EP300: variants seen among roughly 807,000 people sequenced by gnomAD.
EP300 encodes the protein EP300 lysine acetyltransferase.
Under a neutral mutation model 264.0 loss-of-function variants are expected in EP300, and 31 were observed. That is an observed-to-expected ratio of 0.12 (90% CI 0.09 to 0.16). The LOEUF (loss-of-function observed/expected upper bound fraction) is 0.16. Ranked by LOEUF, EP300 falls within the 10% of genes least tolerant of loss-of-function variation. The probability of loss-of-function intolerance (pLI) is 1.00; values close to 1 mark genes in which losing one functional copy is unlikely to be tolerated. For missense variants in EP300, 2,766 were observed against 3,052.9 expected, an observed-to-expected ratio of 0.91 and a Z score of 2.21; for synonymous variants, 1,340 against 1,045.4, an observed-to-expected ratio of 1.28 and a Z score of -5.44.
intron 1 of EP300, among the ~76,000 whole-genome samples, chr22:41,111,375 CCT>C (rs2058789268): frequency 2.0e-5 from 3 of 152,302 alleles, no homozygotes; most frequent in African/African-American, 4.8e-5. Context: ...ATCTTGCTAA[CCT>C]CTCACAATTT....
At chr22:41,134,497 C>T (rs745593697) in intron 6 of EP300, among the ~76,000 whole-genome samples, 3 of 152,018 alleles carry the variant, frequency 2.0e-5, no homozygotes, top group South Asian at 4.1e-4. Context: ...TGGGCTCAAG[C>T]GGTACTCCCA....
chr22:41,177,835 A>C lies in EP300; in HGVS notation c.6124A>C (p.Lys2042Gln). 3 of 1,614,114 alleles carry C rather than the reference A, an allele frequency of 1.9e-6. No homozygotes were observed. In the South Asian group the frequency reaches 3.3e-5, roughly 18 times the overall value. The change falls in exon 31 of 31, where the codon AAA (lysine) becomes CAA (glutamine). Residue 2042 changes from lysine (K) to glutamine (Q), a missense_variant. Transcript: ENST00000263253. Reference sequence around the variant, plus strand: ...GGGCCAGGTAGGTATCAGCCCACTCAAACCAGGCACTGTGTCTCAACAAGC... The same window carrying C: ...GGGCCAGGTAGGTATCAGCCCACTCCAACCAGGCACTGTGTCTCAACAAGC... ...GLGQVGISPLKPGTVSQQALQ... is the reference protein window; with the variant it reads ...GLGQVGISPLQPGTVSQQALQ...
At chr22:41,156,218 G>T (rs746723490) in intron 17 of EP300, among the ~76,000 whole-genome samples, 6 of 151,938 alleles carry the variant, frequency 3.9e-5, no homozygotes, top group Non-Finnish European at 5.9e-5. Context: ...TCTGTATGTT[G>T]GTCAGGCTGG....
intron 1 of EP300, among the ~76,000 whole-genome samples, chr22:41,115,565 T>C (rs906145863): frequency 2.0e-5 from 3 of 152,162 alleles, no homozygotes; most frequent in African/African-American, 7.2e-5. Context: ...CCTGAGTGGC[T>C]AGGAGTATAG....
Position 41,178,215 on chromosome 22 carries a change from G to A in EP300, c.6504G>A (p.Met2168Ile), listed in dbSNP as rs566357328. 123 of 1,613,976 alleles carry A rather than the reference G, an allele frequency of 7.6e-5. No homozygotes were observed. In the South Asian group the frequency reaches 1.3e-3, roughly 17 times the overall value. The change falls in exon 31 of 31, where the codon ATG (methionine) becomes ATA (isoleucine). Residue 2168 changes from methionine (M) to isoleucine (I), a missense_variant. Transcript: ENST00000263253. Reference sequence around the variant, plus strand: ...GGATGAGCCCCCAGGCTCAGCAGATGAACATGAACCACAACACCATGCCTT... The same window carrying A: ...GGATGAGCCCCCAGGCTCAGCAGATAAACATGAACCACAACACCATGCCTT... ...MGGMSPQAQQ[M>I]NMNHNTMPSQ...
chr22:41,093,676 TC>T (rs1376651042), intron 1 of EP300, among the ~76,000 whole-genome samples: 1 of 152,228 alleles, frequency 6.6e-6, no homozygotes, highest in Non-Finnish European at 1.5e-5. Flanking sequence ...TTTTCCTTTT[TC>T]TTCTTATTTG....
chr22:41,122,080 TTC>T (rs2058855142), intron 2 of EP300, among the ~76,000 whole-genome samples: 1 of 152,018 alleles, frequency 6.6e-6, no homozygotes, highest in Non-Finnish European at 1.5e-5. Context: ...TTAAACCTGT[TTC>T]TGCATTCTAT....
At chr22:41,163,805 C>T (rs1490107235) in intron 21 of EP300, among the ~76,000 whole-genome samples, 1 of 151,866 alleles carries the variant, frequency 6.6e-6, no homozygotes, top group Admixed American at 6.6e-5. Flanking sequence ...AGCCAGGTAG[C>T]TGAGAGGCCA....
chr22:41,141,304 C>T (rs2145726756), intron 10 of EP300, 82 bp downstream of exon 10: 1 of 1,452,844 alleles, frequency 6.9e-7, no homozygotes, highest in Admixed American at 1.8e-5. Flanking sequence ...TTTCTGTAAG[C>T]TTGTGTAACT....
In EP300 at chr22:41,092,920, G is replaced by A. The variant is rs1355237842; in HGVS notation, c.-85G>A. The stretch of plus-strand genomic sequence containing the variant: ...CGTCGGAGCCCCCCAGCCCACCCCT[G>A]GGTGCGGCGCGGGGACCCCGGGCCG... On this transcript the variant is annotated 5_prime_UTR_variant, in exon 1 of 31. Transcript: ENST00000263253. The A allele has an allele frequency of 6.7e-7, 1 of 1,495,726 alleles. No homozygotes were observed. The highest frequency in any genetic ancestry group is 1.1e-5 in the South Asian group (1 of 88,706). 92.7% of individuals were successfully genotyped at this position (1,495,726 alleles called of 1,614,324 possible). A position where few individuals can be genotyped will look rare whatever the true frequency, so the allele number is the denominator to read the frequency against.
chr22:41,166,470 G>C (rs993052960), intron 22 of EP300, 129 bp from the exon 23 acceptor site: 5 of 712,100 alleles, frequency 7.0e-6, no homozygotes, highest in African/African-American at 1.8e-5. Context: ...TTGTGTATTA[G>C]TTTTATTAAC....
At position 41,176,170 on chromosome 22, in the gene EP300, A is replaced by G. The variant is rs2145511603; in HGVS notation, c.4780-77A>G. ...AGGAGGCAGAGGTTGTAGTGAGCCA[A>G]GATCACGCCACTGCATTCCAGCCTG... On this transcript the variant is annotated intron_variant, in intron 29 of 30. Coordinates refer to ENST00000263253, the MANE Select transcript of EP300 (RefSeq NM_001429.4). 5.8e-6 allele frequency: 9 copies of G among 1,561,672 alleles called. No homozygotes were observed. The South Asian group carries it at 6.8e-5, about 12-fold the overall frequency.
At chr22:41,113,157 A>AACCCCC (rs2058802817) in intron 1 of EP300, among the ~76,000 whole-genome samples, 7 of 92,914 alleles carry the variant, frequency 7.5e-5, no homozygotes, top group East Asian at 3.3e-4. Flanking sequence ...TCAGGATTCC[A>AACCCCC]CCCCCCCCCC....
intron 2 of EP300, among the ~76,000 whole-genome samples, chr22:41,118,767 G>C (rs144707499): frequency 6.6e-6 from 1 of 151,130 alleles, no homozygotes; most frequent in African/African-American, 2.4e-5. Flanking sequence ...GACCAACCAG[G>C]TAGCATTGAC....
intron 6 of EP300, among the ~76,000 whole-genome samples, chr22:41,133,944 T>G (rs1476936306): frequency 6.6e-5 from 10 of 152,218 alleles, no homozygotes; most frequent in Admixed American, 6.5e-4. Flanking sequence ...AATTTTGATT[T>G]TGACTTTTAA....
At chr22:41,139,308 C>G (rs1322021460) in intron 8 of EP300, among the ~76,000 whole-genome samples, 1 of 152,166 alleles carries the variant, frequency 6.6e-6, no homozygotes, top group African/African-American at 2.4e-5. Flanking sequence ...GAAAGAACTT[C>G]ACAAGTTTAA....
rs1405955556 is a variant in EP300, at chr22:41,179,757, C to G, written c.*801C>G. The G allele has an allele frequency of 4.3e-6, 1 of 230,004 alleles. No individual in the cohort carries two copies. Among genetic ancestry groups the G allele is most frequent in the African/African-American group, 2.2e-5 (1 of 45,026 alleles). The allele number at this position is 230,004 out of a possible 1,614,324, so 14.2% of individuals were successfully genotyped here. ...AGAATTTTTTTCGTTATTTTTACAT[C>G]TAACAAAGTAAAAAAATTAAAAAGA... On this transcript the variant is annotated 3_prime_UTR_variant, in exon 31 of 31. Transcript: ENST00000263253.
chr22:41,097,780 G>C (rs2058709969), intron 1 of EP300, among the ~76,000 whole-genome samples: 1 of 151,958 alleles, frequency 6.6e-6, no homozygotes, highest in South Asian at 2.1e-4. Flanking sequence ...ATTATACCAA[G>C]TCTAAAATTT....
chr22:41,105,640 A>C (rs2058754649), intron 1 of EP300, among the ~76,000 whole-genome samples: 1 of 151,910 alleles, frequency 6.6e-6, no homozygotes, highest in South Asian at 2.1e-4. Context: ...CTCATGATCC[A>C]CCCACCTCGG....
Sources: allele counts gnomAD v4.1 joint callset (sites outside exome capture counted in the v4.1 genomes callset), GRCh38; gene constraint gnomAD v4.1.1; transcripts MANE v1.5; gene names NCBI Gene and HGNC (gene_info 2026-07-23, HGNC 2026-07-21).